NAALADL2: variants seen among roughly 807,000 people sequenced by gnomAD.
NAALADL2 encodes N-acetylated alpha-linked acidic dipeptidase like 2, also known as inactive N-acetylated-alpha-linked acidic dipeptidase-like protein 2.
A neutral mutation model predicts 87.2 loss-of-function variants in NAALADL2; 76 were observed. The observed-to-expected ratio is 0.87, with a 90% confidence interval of 0.72 to 1.05. The LOEUF (loss-of-function observed/expected upper bound fraction) is 1.05. Ranked by LOEUF, NAALADL2 falls within the 50% of genes least tolerant of loss-of-function variation. The pLI is 0.00. For missense variants in NAALADL2, 1,089 were observed against 945.8 expected, an observed-to-expected ratio of 1.15 and a Z score of -1.99; for synonymous variants, 354 against 331.0, an observed-to-expected ratio of 1.07 and a Z score of -0.75.
At chr3:174,851,926 T>A (rs562976460) in intron 3 of NAALADL2, among the ~76,000 whole-genome samples, 122 of 152,196 alleles carry the variant, frequency 8.0e-4, no homozygotes, top group Admixed American at 1.6e-3. Flanking sequence ...GTTCAACATA[T>A]GCAAATCAAT....
At chr3:175,288,174 C>T (rs1180716461) in intron 4 of NAALADL2, among the ~76,000 whole-genome samples, 1 of 152,018 alleles carries the variant, frequency 6.6e-6, no homozygotes, top group Non-Finnish European at 1.5e-5. Context: ...CTCTGCCTCC[C>T]GGGTTCAAGC....
At chr3:174,517,606 T>C (rs1448495150) in intron 1 of NAALADL2, among the ~76,000 whole-genome samples, 1 of 152,094 alleles carries the variant, frequency 6.6e-6, no homozygotes, top group Non-Finnish European at 1.5e-5. Context: ...AAGTTTTAAA[T>C]CCAAGTTGAA....
chr3:175,497,861 GATAA>G (rs969437733), intron 9 of NAALADL2, among the ~76,000 whole-genome samples: 17 of 152,046 alleles, frequency 1.1e-4, no homozygotes, highest in Non-Finnish European at 2.4e-4. Context: ...ATAAATTGGA[GATAA>G]ATAGTTTTGT....
upstream of NAALADL2, among the ~76,000 whole-genome samples, chr3:174,854,672 T>C: frequency 6.6e-6 from 1 of 151,988 alleles, no homozygotes; most frequent in Middle Eastern, 3.4e-3. Context: ...TATGTATCCA[T>C]AATAATTAAG....
chr3:175,052,673 C>CT (rs1471840116), intron 1 of NAALADL2, among the ~76,000 whole-genome samples: 1 of 149,080 alleles, frequency 6.7e-6, no homozygotes, highest in African/African-American at 2.4e-5. Flanking sequence ...AATATTTGTT[C>CT]TTTTAATATT....
intron 3 of NAALADL2, among the ~76,000 whole-genome samples, chr3:174,797,167 C>A (rs1718195601): frequency 6.6e-6 from 1 of 152,010 alleles, no homozygotes; most frequent in African/African-American, 2.4e-5. Flanking sequence ...TTTCATTCTT[C>A]TGCATTTGGC....
At chr3:175,254,785 A>G (rs962272286) in intron 3 of NAALADL2, among the ~76,000 whole-genome samples, 2 of 152,190 alleles carry the variant, frequency 1.3e-5, no homozygotes, top group Non-Finnish European at 2.9e-5. Context: ...TGGTAATGGT[A>G]TCAGCCAACT....
At chr3:175,272,689 G>A (rs1455783931) in intron 4 of NAALADL2, among the ~76,000 whole-genome samples, 2 of 152,034 alleles carry the variant, frequency 1.3e-5, no homozygotes, top group African/African-American at 4.8e-5. Flanking sequence ...ATTTTTTAAT[G>A]TAGACAATAA....
chr3:175,421,853 G>A (rs1441693097), intron 5 of NAALADL2, among the ~76,000 whole-genome samples: 1 of 152,060 alleles, frequency 6.6e-6, no homozygotes, highest in Non-Finnish European at 1.5e-5. Context: ...CATTAAGAAA[G>A]ACAACTGAAG....
chr3:175,128,923 C>A (rs755470645), intron 2 of NAALADL2, among the ~76,000 whole-genome samples: 1 of 151,282 alleles, frequency 6.6e-6, no homozygotes, highest in Non-Finnish European at 1.5e-5. Context: ...TACTAGTTAC[C>A]AATTTTTTTT....
chr3:175,443,410 G>T (rs1252213909), intron 5 of NAALADL2, among the ~76,000 whole-genome samples: 1 of 152,086 alleles, frequency 6.6e-6, no homozygotes, highest in African/African-American at 2.4e-5. Flanking sequence ...ATATCTTAAA[G>T]ATGATTTTAT....
chr3:174,498,731 T>C (rs1718706104), intron 1 of NAALADL2, among the ~76,000 whole-genome samples: 1 of 151,914 alleles, frequency 6.6e-6, no homozygotes, highest in Non-Finnish European at 1.5e-5. Flanking sequence ...AGTTCTACAT[T>C]CTTCACATCT....
At chr3:175,396,366 T>G (rs1014173582) in intron 5 of NAALADL2, among the ~76,000 whole-genome samples, 4 of 152,128 alleles carry the variant, frequency 2.6e-5, no homozygotes, top group Non-Finnish European at 5.9e-5. Flanking sequence ...ATGCCAAGAT[T>G]TTTAATATGA....
In NAALADL2 at chr3:175,254,795, TA is replaced by T. The variant is rs567353608; in HGVS notation, c.820-1610del. 3.4e-3 allele frequency among the ~76,000 whole-genome samples: 525 copies of T among 152,326 alleles called. 3 individuals carry two copies. The highest frequency in any genetic ancestry group is 5.2e-3 in the African/African-American group (216 of 41,578). ...TTATATGGTAATGGTATCAGCCAAC[TA>T]AAAAATGTATTAAAGGCACTGATTT... On this transcript the variant is annotated intron_variant, in intron 3 of 13. Transcript: ENST00000454872.
At chr3:175,495,288 A>T (rs563378523) in intron 9 of NAALADL2, among the ~76,000 whole-genome samples, 19 of 151,866 alleles carry the variant, frequency 1.3e-4, no homozygotes, top group Non-Finnish European at 2.6e-4. Flanking sequence ...ATTTTTTGTC[A>T]TAGGTCTGGT....
At chr3:174,625,100 C>T (rs2108678706) in intron 2 of NAALADL2, among the ~76,000 whole-genome samples, 1 of 130,006 alleles carries the variant, frequency 7.7e-6, no homozygotes, top group African/African-American at 2.9e-5. Flanking sequence ...TCTCTGTCAC[C>T]TGGGCTAGAG....
At chr3:175,489,069 G>C (rs981683231) in intron 9 of NAALADL2, among the ~76,000 whole-genome samples, 4 of 152,072 alleles carry the variant, frequency 2.6e-5, no homozygotes, top group African/African-American at 7.2e-5. Flanking sequence ...GAAAAATTAC[G>C]TTTATCAAAG....
At position 174,602,321 on chromosome 3, in the gene NAALADL2, C is replaced by T. The variant is rs115191200; in HGVS notation, c.-115+51684C>T. On this transcript the variant is annotated intron_variant, in intron 2 of 3. Transcript: ENST00000434257. Reference sequence around the variant, plus strand: ...TTTCATCAGTTTTTATAGTAGAGAACTTTCTTTCTTTGGTTAACTTAATTC... The same window carrying T: ...TTTCATCAGTTTTTATAGTAGAGAATTTTCTTTCTTTGGTTAACTTAATTC... Among the ~76,000 whole-genome samples the T allele has an allele frequency of 4.9e-3, 740 of 151,734 alleles. 5 individuals carry two copies. The highest frequency in any genetic ancestry group is 0.017 in the African/African-American group (713 of 41,444).
At chr3:175,440,621 T>G (rs1719565661) in intron 5 of NAALADL2, among the ~76,000 whole-genome samples, 1 of 152,184 alleles carries the variant, frequency 6.6e-6, no homozygotes, top group Non-Finnish European at 1.5e-5. Context: ...AGTATATTCC[T>G]AAGTATTTAA....
Sources: gnomAD v4.1 joint callset for allele counts (sites outside exome capture counted in the v4.1 genomes callset) on GRCh38, gnomAD v4.1.1 for gene constraint, MANE v1.5 for transcripts, NCBI Gene and HGNC (gene_info 2026-07-23, HGNC 2026-07-21) for gene names.